The following CDH17 variants were observed in gnomAD, a reference collection of about 807,000 sequenced individuals.
CDH17 encodes the protein cadherin-17.
In CDH17, 67 loss-of-function variants were observed where a neutral mutation model predicts 86.3. That is an observed-to-expected ratio of 0.78 (90% CI 0.64 to 0.95). The LOEUF (loss-of-function observed/expected upper bound fraction) is 0.95, where lower values mean the gene tolerates loss of function less well. Ranked by LOEUF, CDH17 falls within the 40% of genes least tolerant of loss-of-function variation. CDH17 has a pLI of 0.00. For missense variants in CDH17, 993 were observed against 1,017.6 expected (o/e 0.98, Z 0.33); for synonymous variants, 367 against 366.4 (o/e 1.00, Z -0.02).
At chr8:94,185,274 A>C (rs924612516) in intron 3 of CDH17, among the ~76,000 whole-genome samples, 1 of 115,204 alleles carries the variant, frequency 8.7e-6, no homozygotes, top group Admixed American at 9.2e-5. Context: ...ACCCTACCCC[A>C]ATACACACAC....
intron 3 of CDH17, among the ~76,000 whole-genome samples, chr8:94,188,118 C>G (rs1293799007): frequency 1.3e-5 from 2 of 152,044 alleles, no homozygotes; most frequent in Admixed American, 6.5e-5. Flanking sequence ...CACGCAGATA[C>G]CAAAATCCAC....
At chr8:94,207,872 G>T (rs1173554364) in intron 1 of CDH17, among the ~76,000 whole-genome samples, 1 of 152,148 alleles carries the variant, frequency 6.6e-6, no homozygotes, top group Non-Finnish European at 1.5e-5. Flanking sequence ...AAGGCCAAAA[G>T]CAGCCCAGGA....
At position 94,160,094 on chromosome 8, in the gene CDH17, A is replaced by C; in HGVS notation, c.1428T>G (p.Asp476Glu). ...GSTILTIQAT[D>E]ADEPFTGSSK... ...AACTCCCAGTAAATGGCTCATCAGC[A>C]TCAGTGGCCTGGATGGTTAAGATGG... Residue 476 changes from aspartate to glutamate, a missense_variant, in exon 12 of 18, where the codon GAT becomes GAG. Physicochemically the swap from Asp to Glu is conservative, Grantham distance 45 (BLOSUM62 2). Coordinates refer to ENST00000027335, the MANE Select transcript of CDH17 (RefSeq NM_004063.4). The C allele has an allele frequency of 6.2e-7, 1 of 1,613,902 alleles. No homozygotes were observed. Among genetic ancestry groups the C allele is most frequent in the Non-Finnish European group, 8.5e-7 (1 of 1,179,880 alleles).
Position 94,176,568 on chromosome 8 carries a change from C to T in CDH17, c.397G>A (p.Gly133Ser), listed in dbSNP as rs1563580392. Residue 133 changes from glycine (G) to serine (S), a missense_variant, in exon 5 of 18, where the codon GGC (glycine) becomes AGC (serine). Transcript: ENST00000027335. Reference sequence around the variant, plus strand: ...GGGCGAGAGTTCTGCCTTACTGAGCCTTCGTACTTTGACTGGAGAAACGTG... The same window carrying T: ...GGGCGAGAGTTCTGCCTTACTGAGCTTTCGTACTTTGACTGGAGAAACGTG... ...RPTFLQSKYE[G>S]SVRQNSRPGK... The T allele has an allele frequency of 1.2e-5, 19 of 1,613,852 alleles. No homozygotes were observed. Among genetic ancestry groups the T allele is most frequent in the Non-Finnish European group, 1.6e-5 (19 of 1,179,810 alleles).
At chr8:94,188,564 C>T (rs980925067) in intron 3 of CDH17, among the ~76,000 whole-genome samples, 1 of 152,198 alleles carries the variant, frequency 6.6e-6, no homozygotes, top group Non-Finnish European at 1.5e-5. Context: ...GTGTTTTCCC[C>T]TTCTCCACTA....
intron 12 of CDH17, among the ~76,000 whole-genome samples, chr8:94,157,872 C>T (rs1050652993): frequency 1.8e-4 from 27 of 152,232 alleles, no homozygotes; most frequent in East Asian, 5.8e-4. Context: ...GCTATGACTG[C>T]GGCACTGCAT....
intron 1 of CDH17, among the ~76,000 whole-genome samples, chr8:94,206,497 C>G (rs1324344518): frequency 6.6e-6 from 1 of 152,148 alleles, no homozygotes; most frequent in South Asian, 2.1e-4. Flanking sequence ...GAGCAAGGAG[C>G]ATGACAATGC....
At position 94,177,702 on chromosome 8, in the gene CDH17, G is replaced by A. The variant is rs751707308; in HGVS notation, c.170C>T (p.Ala57Val). 6.2e-7 allele frequency: 1 copy of A among 1,613,706 alleles called. No individual in the cohort carries two copies. The highest frequency in any genetic ancestry group is 8.5e-7 in the Non-Finnish European group (1 of 1,179,754). The change falls in exon 4 of 18, where the codon GCT becomes GTT. Residue 57 changes from alanine to valine, a missense_variant. Coordinates refer to ENST00000027335, the MANE Select transcript of CDH17 (RefSeq NM_004063.4). ...IIFQFKANPP[A>V]VTFELTGETD... ...CTCCCCAGTTAGTTCAAAAGTCACA[G>A]CAGGAGGATTGGCCTTAAACTGGGG...
At chr8:94,204,485 T>A (rs532427852) in intron 1 of CDH17, among the ~76,000 whole-genome samples, 35 of 152,332 alleles carry the variant, frequency 2.3e-4, no homozygotes, top group Middle Eastern at 3.4e-3. Context: ...ATCATTCTTT[T>A]TTATGGCTGC....
chr8:94,179,860 T>C (rs1813444617), intron 3 of CDH17, among the ~76,000 whole-genome samples: 1 of 152,174 alleles, frequency 6.6e-6, no homozygotes. Context: ...AAAAGAAAGA[T>C]ATATGATTTC....
chr8:94,130,974 G>A lies in CDH17; in HGVS notation c.2186C>T (p.Ser729Phe). ...SKINGTHARL[S>F]TRHTEFEERE... is the part of the protein sequence containing the mutation. Reference sequence around the variant, plus strand: ...CTCCTCAAACTCTGTGTGCCTGGTAGACAGTCGGGCATGAGTACCTGCCAG... The same window carrying A: ...CTCCTCAAACTCTGTGTGCCTGGTAAACAGTCGGGCATGAGTACCTGCCAG... The change falls in exon 16 of 18, where the codon TCT becomes TTT. Residue 729 changes from serine (S) to phenylalanine (F), a missense_variant. By Grantham distance (155) the Ser-to-Phe change is radical (BLOSUM62 -2). Transcript: ENST00000027335. 1 of 1,592,862 alleles carries A rather than the reference G, an allele frequency of 6.3e-7. No homozygotes were observed. Among genetic ancestry groups the A allele is most frequent in the Admixed American group, 1.7e-5 (1 of 59,918 alleles).
In CDH17 at chr8:94,194,646, TAAG is replaced by T. The variant is rs779007868; in HGVS notation, c.37_39del (p.Leu13del). On this transcript the variant is annotated inframe_deletion, in exon 2 of 18. Transcript: ENST00000027335. Reference sequence around the variant, plus strand: ...CCCTCTTCTCTTACCAAATAAAGCATAAGAAGACACAGGGAGTGAAGATGGGCC... The same window carrying T: ...CCCTCTTCTCTTACCAAATAAAGCATAAGACACAGGGAGTGAAGATGGGCC... 20 of 1,604,526 alleles carry T rather than the reference TAAG, an allele frequency of 1.2e-5. No individual in the cohort carries two copies. In the South Asian group the frequency reaches 2.0e-4, roughly 16 times the overall value.
intron 3 of CDH17, among the ~76,000 whole-genome samples, chr8:94,182,655 T>C (rs186417607): frequency 7.2e-4 from 110 of 152,228 alleles, no homozygotes; most frequent in Middle Eastern, 6.8e-3. Context: ...ACAGCTAACA[T>C]TGTACTTAAT....
chr8:94,201,212 G>C lies in CDH17; in HGVS notation c.-20-6507C>G, dbSNP rs1196828718. ...GGGAAGTTTTGTTTCTACTGCAAAT[G>C]TATCTCTGTGTCTCACTATTTCTCC... On this transcript the variant is annotated intron_variant, in intron 1 of 17. Transcript: ENST00000027335. 1.1e-4 allele frequency among the ~76,000 whole-genome samples: 17 copies of C among 152,114 alleles called. 1 individual carries two copies. Among genetic ancestry groups the C allele is most frequent in the Admixed American group, 8.5e-4 (13 of 15,282 alleles).
chr8:94,148,734 TTTTGC>T lies in CDH17; in HGVS notation c.1927+5_1927+9del. Reference sequence around the variant, plus strand: ...TCCTTTTTTTTTGTTTTTTTTTTTTTTTTGCTTACCTACTTCTGTGGCCACCACTT... The same window carrying T: ...TCCTTTTTTTTTGTTTTTTTTTTTTTTTACCTACTTCTGTGGCCACCACTT... On this transcript the variant is annotated splice_donor_5th_base_variant and intron_variant, in intron 14 of 17. Transcript: ENST00000027335. The T allele has an allele frequency of 6.9e-7, 1 of 1,457,594 alleles. No homozygotes were observed. The highest frequency in any genetic ancestry group is 9.0e-7 in the Non-Finnish European group (1 of 1,112,246). 90.3% of individuals were successfully genotyped at this position (1,457,594 alleles called of 1,614,324 possible).
chr8:94,132,615 T>C (rs189814225), intron 15 of CDH17, among the ~76,000 whole-genome samples: 1 of 152,316 alleles, frequency 6.6e-6, no homozygotes, highest in East Asian at 1.9e-4. Context: ...ATTCTGTATG[T>C]TGCCTGTTCA....
intron 1 of CDH17, among the ~76,000 whole-genome samples, chr8:94,205,523 G>A (rs894265164): frequency 1.3e-5 from 2 of 152,120 alleles, no homozygotes; most frequent in Non-Finnish European, 2.9e-5. Context: ...ACCCAAGGCA[G>A]GAATTTTAAT....
At chr8:94,158,217 T>C (rs1283974474) in intron 12 of CDH17, among the ~76,000 whole-genome samples, 1 of 152,144 alleles carries the variant, frequency 6.6e-6, no homozygotes, top group African/African-American at 2.4e-5. Context: ...GAACCTCTAA[T>C]ATATGCCAGG....
intron 1 of CDH17, among the ~76,000 whole-genome samples, chr8:94,204,095 G>A (rs964364121): frequency 2.0e-5 from 3 of 152,054 alleles, no homozygotes; most frequent in Non-Finnish European, 4.4e-5. Flanking sequence ...CACATTACTA[G>A]CATAATTATT....
Sources: gnomAD v4.1 joint callset for allele counts (sites outside exome capture counted in the v4.1 genomes callset) on GRCh38, gnomAD v4.1.1 for gene constraint, MANE v1.5 for transcripts, NCBI Gene and HGNC (gene_info 2026-07-23, HGNC 2026-07-21) for gene names.